Variants in PARD3 observed in about 807,000 individuals in gnomAD.
The protein encoded by PARD3 is par-3 family cell polarity regulator, also known as partitioning defective 3 homolog.
A neutral mutation model predicts 155.4 loss-of-function variants in PARD3; 75 were observed. The observed-to-expected ratio is 0.48, with a 90% CI of 0.40 to 0.58. PARD3 has a LOEUF of 0.58. Ranked by LOEUF, PARD3 falls within the 20% of genes least tolerant of loss-of-function variation. The probability of loss-of-function intolerance (pLI) is 0.00; values close to 1 mark genes in which losing one functional copy is unlikely to be tolerated. For missense variants in PARD3, 1,642 were observed against 1,721.7 expected (o/e 0.95, Z 0.82); for synonymous variants, 576 against 610.5 (o/e 0.94, Z 0.83).
chr10:34,112,843 A>G (rs1946458029), intron 24 of PARD3, among the ~76,000 whole-genome samples: 2 of 152,236 alleles, frequency 1.3e-5, no homozygotes, highest in African/African-American at 2.4e-5. Flanking sequence ...AATGTCCAGC[A>G]TCACCTCTGG....
Position 34,149,550 on chromosome 10 carries a change from AT to A in PARD3, c.3420-17968del, listed in dbSNP as rs1163131324. On this transcript the variant is annotated intron_variant, in intron 22 of 24. Coordinates refer to ENST00000374788, the MANE Select transcript of PARD3 (RefSeq NM_001184785.2). ...AAAATGTTATTTGATTTGTTATATA[AT>A]TTTTCTTCTATAATGTATATAGACT... Among the ~76,000 whole-genome samples the A allele has an allele frequency of 3.9e-5, 6 of 152,212 alleles. No individual in the cohort carries two copies. In the East Asian group the frequency reaches 1.2e-3, roughly 29 times the overall value.
chr10:34,490,098 T>C (rs2079789470), intron 3 of PARD3, among the ~76,000 whole-genome samples: 1 of 152,118 alleles, frequency 6.6e-6, no homozygotes, highest in Non-Finnish European at 1.5e-5. Context: ...ACATCTACCA[T>C]CACTGCCATC....
chr10:34,774,707 T>A (rs1362742130), intron 1 of PARD3, among the ~76,000 whole-genome samples: 1 of 143,116 alleles, frequency 7.0e-6, no homozygotes, highest in Non-Finnish European at 1.6e-5. Context: ...ACTGATCTTA[T>A]ACCAATAAAA....
intron 3 of PARD3, among the ~76,000 whole-genome samples, chr10:34,499,475 G>A (rs1313892873): frequency 1.3e-5 from 2 of 151,842 alleles, no homozygotes; most frequent in East Asian, 3.9e-4. Flanking sequence ...TACAACCTTG[G>A]AGAATGTATA....
chr10:34,403,999 T>TA, intron 5 of PARD3, among the ~76,000 whole-genome samples: 1 of 152,270 alleles, frequency 6.6e-6, no homozygotes, highest in East Asian at 1.9e-4. Context: ...AACAGCCACA[T>TA]AAATGAAATG....
rs1958065484 is a variant in PARD3, at chr10:34,317,251, T to A, written c.2921A>T (p.Gln974Leu). The change falls in exon 20 of 25, where the codon CAA (glutamine) becomes CTA (leucine). Residue 974 changes from glutamine (Q) to leucine (L), a missense_variant. Coordinates refer to ENST00000374788, the MANE Select transcript of PARD3 (RefSeq NM_001184785.2). ...ACCTTTCTCTTGGTTTCCATTCATT[T>A]GTCTCTCCAGAGAGTGGGAAGGCTG... is the stretch of plus-strand genomic sequence containing the variant. ...SDQPSHSLER[Q>L]MNGNQEKGDK... 3.1e-6 allele frequency: 5 copies of A among 1,613,800 alleles called. No homozygotes were observed. Among genetic ancestry groups the A allele is most frequent in the Admixed American group, 1.7e-5 (1 of 60,000 alleles).
At chr10:34,585,212 G>A (rs928400787) in intron 2 of PARD3, among the ~76,000 whole-genome samples, 23 of 152,010 alleles carry the variant, frequency 1.5e-4, no homozygotes, top group African/African-American at 5.6e-4. Flanking sequence ...GGTTAGTTTG[G>A]TGAATAAGAT....
chr10:34,213,338 T>C (rs1467257581), intron 22 of PARD3, among the ~76,000 whole-genome samples: 4 of 152,186 alleles, frequency 2.6e-5, no homozygotes, highest in African/African-American at 9.7e-5. Flanking sequence ...GAGCAAGAAC[T>C]CACCCCTATG....
chr10:34,800,649 C>T (rs921580850), intron 1 of PARD3, among the ~76,000 whole-genome samples: 14 of 151,984 alleles, frequency 9.2e-5, no homozygotes, highest in Admixed American at 9.2e-4. Context: ...GGTAATACTA[C>T]CATTTTCTGA....
intron 5 of PARD3, among the ~76,000 whole-genome samples, chr10:34,421,934 G>T (rs899965300): frequency 6.6e-6 from 1 of 152,134 alleles, no homozygotes. Context: ...GTCAGAGAAG[G>T]TCTCAGTGAG....
Position 34,444,187 on chromosome 10 carries a change from T to C in PARD3, c.714+6130A>G, listed in dbSNP as rs555418666. 3.8e-4 allele frequency among the ~76,000 whole-genome samples: 58 copies of C among 152,306 alleles called. No individual in the cohort carries two copies. The South Asian group carries it at 0.012, about 32-fold the overall frequency. ...GTGCCTCTCTGCTGTTTCTGCTAAT[T>C]GGGCTCAGGCCTATTCAACAAGAGA... On this transcript the variant is annotated intron_variant, in intron 5 of 24. Coordinates refer to ENST00000374788, the MANE Select transcript of PARD3 (RefSeq NM_001184785.2).
intron 2 of PARD3, among the ~76,000 whole-genome samples, chr10:34,610,392 A>T (rs549551183): frequency 5.3e-5 from 8 of 152,350 alleles, no homozygotes; most frequent in East Asian, 1.9e-4. Context: ...TAAAAAATTT[A>T]AAAATGCCAG....
At chr10:34,545,839 T>C (rs1016759827) in intron 2 of PARD3, among the ~76,000 whole-genome samples, 4 of 152,244 alleles carry the variant, frequency 2.6e-5, no homozygotes, top group Non-Finnish European at 5.9e-5. Flanking sequence ...ATTACAGATG[T>C]GAGCCACTGC....
At chr10:34,151,248 T>C (rs12359835) in intron 22 of PARD3, among the ~76,000 whole-genome samples, 29,407 of 151,944 alleles carry the variant, frequency 0.19, 3,538 homozygotes, top group Middle Eastern at 0.38. Context: ...AAGTTAAAGA[T>C]GTAATTAAAG....
intron 22 of PARD3, among the ~76,000 whole-genome samples, chr10:34,222,879 C>G (rs1239704304): frequency 9.2e-5 from 14 of 152,224 alleles, no homozygotes; most frequent in Admixed American, 9.2e-4. Context: ...TCAGGACACT[C>G]TCTGCTCCCA....
intron 22 of PARD3, among the ~76,000 whole-genome samples, chr10:34,172,579 T>G (rs1390192876): frequency 6.6e-6 from 1 of 152,056 alleles, no homozygotes; most frequent in Non-Finnish European, 1.5e-5. Context: ...TGTGAGAGTC[T>G]GTGATGCTGA....
At position 34,750,995 on chromosome 10, in the gene PARD3, A is replaced by G. The variant is rs137893153; in HGVS notation, c.121-54576T>C. Among the ~76,000 whole-genome samples, 369 of 152,246 alleles carry G rather than the reference A, an allele frequency of 2.4e-3. 2 individuals carry two copies. Among genetic ancestry groups the G allele is most frequent in the African/African-American group, 8.6e-3 (356 of 41,528 alleles). ...TGAGCCACCGCGCCCAGATGACCTA[A>G]GAATATGTTTTATTTACACTCTCTT... On this transcript the variant is annotated intron_variant, in intron 1 of 24. Transcript: ENST00000374788.
intron 2 of PARD3, among the ~76,000 whole-genome samples, chr10:34,523,670 G>A (rs1441096011): frequency 1.3e-5 from 2 of 152,162 alleles, no homozygotes; most frequent in African/African-American, 4.8e-5. Flanking sequence ...CTATAAAGAA[G>A]AATGTAACAG....
At chr10:34,370,417 G>A (rs967325852) in intron 12 of PARD3, among the ~76,000 whole-genome samples, 4 of 151,966 alleles carry the variant, frequency 2.6e-5, no homozygotes, top group Admixed American at 1.3e-4. Flanking sequence ...TCCTCAACAC[G>A]ACTGACTACA....
Sources: allele counts gnomAD v4.1 joint callset (sites outside exome capture counted in the v4.1 genomes callset), GRCh38; gene constraint gnomAD v4.1.1; transcripts MANE v1.5; gene names NCBI Gene and HGNC (gene_info 2026-07-23, HGNC 2026-07-21).